DLG2: variants seen among roughly 807,000 people sequenced by gnomAD.
The protein encoded by DLG2 is discs large MAGUK scaffold protein 2.
DLG2 carries 45 observed loss-of-function variants against 132.5 expected under a neutral mutation model. The ratio of observed to expected loss-of-function variants is 0.34; its 90% CI spans 0.27 to 0.44. The LOEUF (loss-of-function observed/expected upper bound fraction) is 0.44, where lower values mean the gene tolerates loss of function less well. Ranked by LOEUF, DLG2 falls within the 20% of genes least tolerant of loss-of-function variation. The pLI, the probability that DLG2 is intolerant of heterozygous loss-of-function variation, is 1.00. For missense variants in DLG2, 1,045 were observed against 1,196.9 expected (o/e 0.87, Z 1.87); for synonymous variants, 424 against 419.6 (o/e 1.01, Z -0.13).
At chr11:84,017,332 G>T (rs1267200526) in intron 11 of DLG2, among the ~76,000 whole-genome samples, 1 of 151,956 alleles carries the variant, frequency 6.6e-6, no homozygotes, top group Non-Finnish European at 1.5e-5. Context: ...GAATAAAAAT[G>T]TACTCATAGA....
At chr11:85,407,057 T>C (rs371644339) in intron 3 of DLG2, among the ~76,000 whole-genome samples, 19 of 151,860 alleles carry the variant, frequency 1.3e-4, no homozygotes, top group African/African-American at 4.1e-4. Flanking sequence ...AGAGTATTCT[T>C]GGCAGCTTAC....
chr11:84,856,318 A>G (rs1178082888), intron 6 of DLG2, among the ~76,000 whole-genome samples: 1 of 152,096 alleles, frequency 6.6e-6, no homozygotes, highest in African/African-American at 2.4e-5. Flanking sequence ...TGGGAAAGCT[A>G]TTGGGAAATA....
At chr11:85,529,722 A>G (rs1010811357) in intron 3 of DLG2, among the ~76,000 whole-genome samples, 12 of 152,130 alleles carry the variant, frequency 7.9e-5, no homozygotes, top group African/African-American at 2.9e-4. Flanking sequence ...TAAAATCTCC[A>G]TGCCTTTGAT....
At chr11:84,660,171 G>A (rs924340577) in intron 6 of DLG2, among the ~76,000 whole-genome samples, 4 of 151,998 alleles carry the variant, frequency 2.6e-5, no homozygotes, top group South Asian at 2.1e-4. Flanking sequence ...AAATCACAGT[G>A]TTAGACGATC....
intron 6 of DLG2, among the ~76,000 whole-genome samples, chr11:85,044,944 A>C (rs919471845): frequency 6.6e-6 from 1 of 152,078 alleles, no homozygotes; most frequent in Admixed American, 6.6e-5. Flanking sequence ...CTCCTATGGC[A>C]GGATACTGAT....
At chr11:85,534,327 ATTTCCTCCATGAAATAT>A (rs2075425715) in intron 3 of DLG2, among the ~76,000 whole-genome samples, 1 of 152,062 alleles carries the variant, frequency 6.6e-6, no homozygotes, top group Non-Finnish European at 1.5e-5. Flanking sequence ...TTTTTATTTC[ATTTCCTCCATGAAATAT>A]AATTTTTTTT....
chr11:85,544,693 G>T (rs1282109834), intron 3 of DLG2, among the ~76,000 whole-genome samples: 1 of 152,136 alleles, frequency 6.6e-6, no homozygotes, highest in Non-Finnish European at 1.5e-5. Flanking sequence ...AGTTCTCCTT[G>T]AAGAGATCCT....
At chr11:84,128,802 A>G (rs1041932218) in intron 9 of DLG2, among the ~76,000 whole-genome samples, 3 of 152,088 alleles carry the variant, frequency 2.0e-5, no homozygotes, top group East Asian at 1.9e-4. Flanking sequence ...ACAAGGGGGA[A>G]AAAAAACACA....
At chr11:84,986,021 TGAA>T (rs2056438035) in intron 6 of DLG2, among the ~76,000 whole-genome samples, 1 of 98,454 alleles carries the variant, frequency 1.0e-5, no homozygotes, top group Non-Finnish European at 2.1e-5. Context: ...AAAAAAAAGA[TGAA>T]GAGAAGATAA....
chr11:84,665,972 A>C (rs949241437), intron 6 of DLG2, among the ~76,000 whole-genome samples: 2 of 152,194 alleles, frequency 1.3e-5, no homozygotes, highest in Non-Finnish European at 2.9e-5. Flanking sequence ...ATAGGGAGTT[A>C]GCACATTACA....
At chr11:84,643,792 C>A (rs940145986) in intron 6 of DLG2, among the ~76,000 whole-genome samples, 4 of 152,118 alleles carry the variant, frequency 2.6e-5, no homozygotes, top group Non-Finnish European at 5.9e-5. Flanking sequence ...GGCATACAAG[C>A]CTGCTTCTTA....
chr11:85,137,257 T>G (rs1049265020), intron 5 of DLG2, among the ~76,000 whole-genome samples: 1 of 152,160 alleles, frequency 6.6e-6, no homozygotes, highest in African/African-American at 2.4e-5. Context: ...AATAGTAATT[T>G]ATCAAGTGGC....
intron 6 of DLG2, among the ~76,000 whole-genome samples, chr11:84,680,308 C>T (rs2099725529): frequency 6.6e-6 from 1 of 152,082 alleles, no homozygotes; most frequent in Non-Finnish European, 1.5e-5. Flanking sequence ...GAACAAAAAT[C>T]TAGGCTACAA....
intron 24 of DLG2, among the ~76,000 whole-genome samples, chr11:83,470,919 T>C (rs1454560382): frequency 6.6e-6 from 1 of 152,078 alleles, no homozygotes; most frequent in Non-Finnish European, 1.5e-5. Flanking sequence ...TCTACATACG[T>C]AGAAGGTCTG....
Position 85,146,185 on chromosome 11 carries a change from T to C in DLG2, c.282+8371A>G, listed in dbSNP as rs1484775299. On this transcript the variant is annotated intron_variant, in intron 5 of 27. Coordinates refer to ENST00000376104, the MANE Select transcript of DLG2 (RefSeq NM_001142699.3). ...GTCTCTGATTCTCTTCCCTCACTTC[T>C]CACTTTCCCCAAACAGAAGTCTGTC... Among the ~76,000 whole-genome samples, 3 of 151,402 alleles carry C rather than the reference T, an allele frequency of 2.0e-5. No homozygotes were observed. The East Asian group carries it at 5.8e-4, about 29-fold the overall frequency.
chr11:84,818,689 A>C (rs1180027541), intron 6 of DLG2, among the ~76,000 whole-genome samples: 1 of 151,882 alleles, frequency 6.6e-6, no homozygotes, highest in East Asian at 1.9e-4. Flanking sequence ...CAGGCACACA[A>C]AAATTAGGTC....
intron 4 of DLG2, among the ~76,000 whole-genome samples, chr11:85,168,181 T>C (rs186645981): frequency 6.6e-6 from 1 of 152,208 alleles, no homozygotes; most frequent in East Asian, 1.9e-4. Context: ...AAGAAGACAG[T>C]GTCCAAAAAG....
chr11:83,785,182 G>C (rs1156611588), intron 18 of DLG2, among the ~76,000 whole-genome samples: 2 of 151,990 alleles, frequency 1.3e-5, no homozygotes, highest in African/African-American at 4.8e-5. Context: ...AGCCTCCTGA[G>C]TAGCTGGGAC....
At chr11:84,833,549 T>C (rs1271875355) in intron 6 of DLG2, among the ~76,000 whole-genome samples, 1 of 151,404 alleles carries the variant, frequency 6.6e-6, no homozygotes, top group Non-Finnish European at 1.5e-5. Flanking sequence ...CTCCTTAGTA[T>C]GTAATTTAGC....
Sources: gnomAD v4.1 joint callset for allele counts (sites outside exome capture counted in the v4.1 genomes callset) on GRCh38, gnomAD v4.1.1 for gene constraint, MANE v1.5 for transcripts, NCBI Gene and HGNC (gene_info 2026-07-23, HGNC 2026-07-21) for gene names.